Variants in RGPD2 observed in about 807,000 individuals in gnomAD.
The protein encoded by RGPD2 is RANBP2 like and GRIP domain containing 2.
Under a neutral mutation model 36.0 loss-of-function variants are expected in RGPD2, and 2 were observed. That is an observed-to-expected ratio of 0.06 (90% confidence interval 0.02 to 0.17). The LOEUF is 0.17. Ranked by LOEUF, RGPD2 falls within the 10% of genes least tolerant of loss-of-function variation. RGPD2 has a pLI of 1.00. For synonymous variants in RGPD2, 19 were observed against 163.8 expected (o/e 0.12, Z 6.75); for missense variants, 40 against 464.3 (o/e 0.09, Z 8.40).
the RGPD2 span, among the ~76,000 whole-genome samples, chr2:87,884,463 T>C: frequency 4.3e-4 from 66 of 151,736 alleles, no homozygotes; most frequent in African/African-American, 1.6e-3. Context: ...CAAAAATAAG[T>C]GCAATAAATA....
chr2:87,920,207 C>T, the RGPD2 span, among the ~76,000 whole-genome samples: 1 of 152,132 alleles, frequency 6.6e-6, no homozygotes, highest in South Asian at 2.1e-4. Context: ...AATGCTGCTT[C>T]TCTTTTTTGA....
At chr2:87,839,474 T>A in the RGPD2 span, among the ~76,000 whole-genome samples, 1 of 152,066 alleles carries the variant, frequency 6.6e-6, no homozygotes, top group Non-Finnish European at 1.5e-5. Flanking sequence ...TAAAGACACA[T>A]GCACTCATAT....
the RGPD2 span, among the ~76,000 whole-genome samples, chr2:87,872,949 G>A: frequency 6.6e-6 from 1 of 152,248 alleles, no homozygotes; most frequent in East Asian, 1.9e-4. Flanking sequence ...TAGTAGAGAC[G>A]AGGTTTCACC....
Position 87,772,090 on chromosome 2 carries a change from CAT to C in RGPD2, c.5236+77_5236+78del. ...AAATGAGCAAAATTGAAAAGTTACA[CAT>C]ACAGACAACTTCTCAACCACCAGGC... On this transcript the variant is annotated intron_variant, in intron 22 of 22. Coordinates refer to ENST00000398146, the MANE Select transcript of RGPD2 (RefSeq NM_001078170.3). 3 of 1,459,408 alleles carry C rather than the reference CAT, an allele frequency of 2.1e-6. 1 individual carries two copies. In the South Asian group the frequency reaches 3.6e-5, roughly 18 times the overall value. The allele number at this position is 1,459,408 out of a possible 1,614,324, so 90.4% of individuals were successfully genotyped here.
chr2:87,809,327 A>G (rs2104340870), intron 6 of RGPD2, among the ~76,000 whole-genome samples: 1 of 150,968 alleles, frequency 6.6e-6, no homozygotes, highest in Non-Finnish European at 1.5e-5. Context: ...GATCGAGACC[A>G]TCCTGGCCAA....
chr2:87,877,605 C>T, the RGPD2 span, among the ~76,000 whole-genome samples: 1 of 152,208 alleles, frequency 6.6e-6, no homozygotes, highest in Non-Finnish European at 1.5e-5. Context: ...AGATCAAGAC[C>T]ATCCTGGCTA....
At chr2:87,836,152 G>A in the RGPD2 span, among the ~76,000 whole-genome samples, 1 of 151,824 alleles carries the variant, frequency 6.6e-6, no homozygotes, top group African/African-American at 2.4e-5. Context: ...CATACAGGAT[G>A]ACCATTCCCA....
the RGPD2 span, among the ~76,000 whole-genome samples, chr2:87,880,995 T>C: frequency 6.8e-6 from 1 of 146,304 alleles, no homozygotes; most frequent in African/African-American, 2.6e-5. Context: ...CTGTGCAAGT[T>C]CAAAATCAAA....
the RGPD2 span, among the ~76,000 whole-genome samples, chr2:87,869,817 C>T: frequency 0.17 from 23,949 of 140,426 alleles, no homozygotes; most frequent in African/African-American, 0.3. Context: ...GAGAAGTTAA[C>T]GTAATACAGT....
chr2:87,875,828 T>G, the RGPD2 span, among the ~76,000 whole-genome samples: 1 of 152,278 alleles, frequency 6.6e-6, no homozygotes, highest in Non-Finnish European at 1.5e-5. Flanking sequence ...ATTCATCCTT[T>G]AGTCCTTCTG....
chr2:87,886,327 C>A, the RGPD2 span, among the ~76,000 whole-genome samples: 1 of 151,762 alleles, frequency 6.6e-6, no homozygotes. Context: ...ACAAAATAAT[C>A]CTGCCCCTTT....
the RGPD2 span, among the ~76,000 whole-genome samples, chr2:87,969,139 CG>C: frequency 7.9e-5 from 12 of 151,652 alleles, no homozygotes; most frequent in Non-Finnish European, 1.6e-4. Context: ...CTGCAGCCTC[CG>C]CCTCCTGGAT....
the RGPD2 span, among the ~76,000 whole-genome samples, chr2:87,876,667 A>C: frequency 0.18 from 25,958 of 143,380 alleles, no homozygotes; most frequent in African/African-American, 0.31. Flanking sequence ...GGCAATGAGA[A>C]GTATGTATAT....
At chr2:87,987,952 T>A in the RGPD2 span, among the ~76,000 whole-genome samples, 2 of 135,034 alleles carry the variant, frequency 1.5e-5, no homozygotes, top group Non-Finnish European at 3.2e-5. Flanking sequence ...CTTAGGCTTA[T>A]CATACTTCTA....
chr2:87,813,103 T>C (rs1403168195), intron 4 of RGPD2, among the ~76,000 whole-genome samples: 1 of 152,232 alleles, frequency 6.6e-6, no homozygotes, highest in Non-Finnish European at 1.5e-5. Flanking sequence ...TTCAAGACAA[T>C]AACATCATCA....
At chr2:87,976,669 G>T in the RGPD2 span, among the ~76,000 whole-genome samples, 240 of 151,974 alleles carry the variant, frequency 1.6e-3, 6 homozygotes, top group East Asian at 0.04. Context: ...TACCACATGG[G>T]ATTAATGTGA....
At chr2:87,983,878 G>C in the RGPD2 span, among the ~76,000 whole-genome samples, 84 of 152,378 alleles carry the variant, frequency 5.5e-4, no homozygotes, top group Admixed American at 9.1e-4. Context: ...GGGATGATGC[G>C]TGCAAAGCAT....
chr2:87,878,489 T>C, the RGPD2 span, among the ~76,000 whole-genome samples: 1 of 152,100 alleles, frequency 6.6e-6, no homozygotes, highest in African/African-American at 2.4e-5. Context: ...GTATTTTATG[T>C]GTCACAAAGT....
At chr2:87,940,398 A>C in the RGPD2 span, among the ~76,000 whole-genome samples, 1 of 150,930 alleles carries the variant, frequency 6.6e-6, no homozygotes, top group Non-Finnish European at 1.5e-5. Flanking sequence ...AGCTGGGAAA[A>C]TGTTTGGGAC....
Sources: allele counts gnomAD v4.1 joint callset (sites outside exome capture counted in the v4.1 genomes callset), GRCh38; gene constraint gnomAD v4.1.1; transcripts MANE v1.5; gene names NCBI Gene and HGNC (gene_info 2026-07-23, HGNC 2026-07-21).